Variants in MYO5B observed in about 807,000 individuals in gnomAD.
MYO5B encodes myosin VB, also known as unconventional myosin-Vb.
A neutral mutation model predicts 229.3 loss-of-function variants in MYO5B; 143 were observed. That is an observed-to-expected ratio of 0.62 (90% CI 0.54 to 0.72). The LOEUF (loss-of-function observed/expected upper bound fraction) is 0.72, where lower values mean the gene tolerates loss of function less well. Among genes scored for constraint, MYO5B ranks in the 30% least tolerant of loss-of-function variants. The pLI, the probability that MYO5B is intolerant of heterozygous loss-of-function variation, is 0.00. For synonymous variants in MYO5B, 918 were observed against 885.2 expected (o/e 1.04, Z -0.66); for missense variants, 2,321 against 2,331.0 (o/e 1.00, Z 0.09).
At chr18:49,981,897 A>T (rs1294806195) in intron 8 of MYO5B, among the ~76,000 whole-genome samples, 1 of 152,222 alleles carries the variant, frequency 6.6e-6, no homozygotes, top group Non-Finnish European at 1.5e-5. Flanking sequence ...GGTATTCAGG[A>T]CAAGACAGGA....
At chr18:49,966,453 T>C (rs2025626913) in intron 10 of MYO5B, among the ~76,000 whole-genome samples, 1 of 152,192 alleles carries the variant, frequency 6.6e-6, no homozygotes, top group African/African-American at 2.4e-5. Context: ...GATGATAGTC[T>C]TAAAGACTGA....
At chr18:50,069,023 G>T (rs958899511) in intron 1 of MYO5B, among the ~76,000 whole-genome samples, 6 of 152,078 alleles carry the variant, frequency 3.9e-5, no homozygotes, top group African/African-American at 1.4e-4. Context: ...TTTGTTTTCA[G>T]AATAAGTAGG....
In MYO5B at chr18:50,122,635, GAGAGAGAGAGAGAGAGAGAGAGA is replaced by G. The variant is rs1338435164; in HGVS notation, c.28-67280_28-67258del. On this transcript the variant is annotated intron_variant, in intron 1 of 39. Coordinates refer to ENST00000285039, the MANE Select transcript of MYO5B (RefSeq NM_001080467.3). ...GAGAGGGAGGGAGGGAAGGGGGGGG[GAGAGAGAGAGAGAGAGAGAGAGA>G]GAGAGAGAGAGAGAGAGAGAGAGAG... Among the ~76,000 whole-genome samples, 20 of 6,102 alleles carry G rather than the reference GAGAGAGAGAGAGAGAGAGAGAGA, an allele frequency of 3.3e-3. 1 individual carries two copies. In the East Asian group the frequency reaches 0.075, roughly 23 times the overall value. The allele number at this position is 6,102 out of a possible 152,430, so 4.0% of individuals were successfully genotyped here. A position where few individuals can be genotyped will look rare whatever the true frequency, so the allele number is the denominator to read the frequency against.
Position 49,862,598 on chromosome 18 carries a change from T to A in MYO5B, c.3944+629A>T, listed in dbSNP as rs1271454169. 6.6e-5 allele frequency among the ~76,000 whole-genome samples: 10 copies of A among 152,244 alleles called. No homozygotes were observed. In the South Asian group the frequency reaches 1.9e-3, roughly 28 times the overall value. ...CACTCTGCCTTGGGGGTCTGCGTTC[T>A]GTCTGCTGACAACGCTTGGCCCTGC... On this transcript the variant is annotated intron_variant, in intron 29 of 39. Transcript: ENST00000285039.
At chr18:50,117,033 T>C (rs77844857) in intron 1 of MYO5B, among the ~76,000 whole-genome samples, 3,867 of 152,296 alleles carry the variant, frequency 0.025, 164 homozygotes, top group African/African-American at 0.089. Flanking sequence ...CATTTTGTTA[T>C]GAGATAAACA....
At chr18:49,858,256 T>C (rs2024286575) in intron 29 of MYO5B, among the ~76,000 whole-genome samples, 1 of 152,214 alleles carries the variant, frequency 6.6e-6, no homozygotes, top group African/African-American at 2.4e-5. Flanking sequence ...TCATCCCGTC[T>C]CAGATGTTAG....
chr18:50,114,902 C>G (rs1394827893), intron 1 of MYO5B, among the ~76,000 whole-genome samples: 1 of 152,214 alleles, frequency 6.6e-6, no homozygotes, highest in African/African-American at 2.4e-5. Context: ...TCCTCCAGAC[C>G]AAAGTTGGGT....
intron 1 of MYO5B, among the ~76,000 whole-genome samples, chr18:50,136,348 T>C (rs542693238): frequency 7.2e-6 from 1 of 139,508 alleles, no homozygotes; most frequent in East Asian, 2.0e-4. Context: ...GATATTTGTT[T>C]TTTGTTTTTT....
At chr18:49,858,820 C>T (rs2024294034) in intron 29 of MYO5B, among the ~76,000 whole-genome samples, 2 of 152,192 alleles carry the variant, frequency 1.3e-5, no homozygotes, top group African/African-American at 2.4e-5. Flanking sequence ...AACCAGTCAA[C>T]CAACTTGCTT....
chr18:49,962,563 GCA>G (rs1408081190), intron 11 of MYO5B, among the ~76,000 whole-genome samples, 157 bp from the exon 12 acceptor site: 2 of 152,180 alleles, frequency 1.3e-5, no homozygotes, highest in Non-Finnish European at 2.9e-5. Context: ...GAAAAGCAAA[GCA>G]CAGTTAGGCG....
chr18:49,984,575 G>A (rs2025850699), intron 8 of MYO5B, 143 bp downstream of exon 8: 3 of 716,892 alleles, frequency 4.2e-6, no homozygotes, highest in East Asian at 2.7e-5. Flanking sequence ...AAGAGAGTAA[G>A]AGATGACATT....
chr18:49,981,862 G>A (rs779777389), intron 8 of MYO5B, among the ~76,000 whole-genome samples: 50 of 152,224 alleles, frequency 3.3e-4, no homozygotes, highest in Non-Finnish European at 5.6e-4. Flanking sequence ...CCTGGTGAAA[G>A]GAAGACAGAT....
chr18:50,060,854 C>T (rs1372640546), intron 1 of MYO5B, among the ~76,000 whole-genome samples: 1 of 152,172 alleles, frequency 6.6e-6, no homozygotes, highest in African/African-American at 2.4e-5. Context: ...CTTTTATCAA[C>T]CTCTAGGGGT....
chr18:49,984,684 C>G, intron 8 of MYO5B, 34 bp downstream of exon 8: 1 of 1,517,834 alleles, frequency 6.6e-7, no homozygotes, highest in South Asian at 1.1e-5. Flanking sequence ...CATCAGCCCT[C>G]GGGGCCTGCT....
rs773416594 is a variant in MYO5B at position 49,937,360 on chromosome 18, T to C, written c.1790A>G (p.Asp597Gly). The part of the protein sequence containing the change: ...LVADLFHDDK[D>G]PVPATTPGKG... The stretch of plus-strand genomic sequence containing the variant: ...CCCAGGGGTGGTGGCAGGAACAGGG[T>C]CCTTGTCATCATGAAACAAGTCAGC... The change falls in exon 15 of 40, where the codon GAC becomes GGC. Residue 597 changes from aspartate (D) to glycine (G), a missense_variant. Around this residue, in one of 2 missense-constraint regions of MYO5B, gnomAD observed 2,113 missense variants for 2,044.7 expected, o/e 1.03. Coordinates refer to ENST00000285039, the MANE Select transcript of MYO5B (RefSeq NM_001080467.3). The C allele has an allele frequency of 6.2e-7, 1 of 1,613,966 alleles. No individual in the cohort carries two copies. Among genetic ancestry groups the C allele is most frequent in the Non-Finnish European group, 8.5e-7 (1 of 1,179,996 alleles).
chr18:50,019,491 T>C (rs542938051), intron 4 of MYO5B, among the ~76,000 whole-genome samples: 2 of 152,348 alleles, frequency 1.3e-5, no homozygotes, highest in Non-Finnish European at 2.9e-5. Flanking sequence ...TGGTCCAGCC[T>C]CCAGAGCCCA....
At chr18:50,088,928 T>C (rs1277157015) in intron 1 of MYO5B, among the ~76,000 whole-genome samples, 1 of 152,236 alleles carries the variant, frequency 6.6e-6, no homozygotes, top group Non-Finnish European at 1.5e-5. Flanking sequence ...TGTTAGCTGA[T>C]GTTTTTTGCT....
chr18:50,125,112 T>C (rs2032137243), intron 1 of MYO5B, among the ~76,000 whole-genome samples: 1 of 152,156 alleles, frequency 6.6e-6, no homozygotes, highest in Non-Finnish European at 1.5e-5. Flanking sequence ...CCAAGCCATT[T>C]GAATGGTATT....
intron 29 of MYO5B, among the ~76,000 whole-genome samples, chr18:49,859,221 G>GA (rs2024299676): frequency 6.6e-6 from 1 of 152,224 alleles, no homozygotes; most frequent in African/African-American, 2.4e-5. Flanking sequence ...CGGGTAAAGT[G>GA]AAAGTAGCCT....
Sources: gnomAD v4.1 joint callset for allele counts (sites outside exome capture counted in the v4.1 genomes callset) on GRCh38, gnomAD v4.1.1 for gene constraint, gnomAD v4.1.1 regional missense constraint, MANE v1.5 for transcripts, NCBI Gene and HGNC (gene_info 2026-07-23, HGNC 2026-07-21) for gene names.